Variants in C9orf57 observed in about 807,000 individuals in gnomAD.
C9orf57 encodes the protein chromosome 9 open reading frame 57, also known as uncharacterized protein C9orf57.
In C9orf57, 12 loss-of-function variants were observed where a neutral mutation model predicts 12.9. The observed-to-expected ratio is 0.93, with a 90% CI of 0.60 to 1.51. C9orf57 has a LOEUF of 1.51. Ranked by LOEUF, C9orf57 falls within the 40% of genes most tolerant of loss-of-function variation. The probability of loss-of-function intolerance (pLI) is 0.00; values close to 1 mark genes in which losing one functional copy is unlikely to be tolerated. For missense variants in C9orf57, 141 were observed against 162.8 expected (o/e 0.87, Z 0.73); for synonymous variants, 49 against 57.1 (o/e 0.86, Z 0.64).
Position 72,059,345 on chromosome 9 carries a change from C to A in C9orf57, c.-14G>T. On this transcript the variant is annotated 5_prime_UTR_variant, in exon 2 of 5. Coordinates refer to ENST00000651200, the MANE Select transcript of C9orf57 (RefSeq NM_001128618.2). ...AATCCTTCTCATTCTGATTTCCAAGCCGAAAAGGAGATGAAAGGAAAGACA... is the reference window on the plus strand; with the variant it reads ...AATCCTTCTCATTCTGATTTCCAAGACGAAAAGGAGATGAAAGGAAAGACA... 2 of 1,551,562 alleles carry A rather than the reference C, an allele frequency of 1.3e-6. No homozygotes were observed. Among genetic ancestry groups the A allele is most frequent in the Non-Finnish European group, 1.7e-6 (2 of 1,147,026 alleles).
Position 72,059,348 on chromosome 9 carries a change from A to C in C9orf57, c.-17T>G. On this transcript the variant is annotated 5_prime_UTR_variant, in exon 2 of 5. Transcript: ENST00000651200. Reference sequence around the variant, plus strand: ...CCTTCTCATTCTGATTTCCAAGCCGAAAAGGAGATGAAAGGAAAGACACGT... The same window carrying C: ...CCTTCTCATTCTGATTTCCAAGCCGCAAAGGAGATGAAAGGAAAGACACGT... 2 of 1,551,722 alleles carry C rather than the reference A, an allele frequency of 1.3e-6. No homozygotes were observed. The highest frequency in any genetic ancestry group is 1.7e-6 in the Non-Finnish European group (2 of 1,147,032).
intron 1 of C9orf57, among the ~76,000 whole-genome samples, chr9:72,059,920 A>G (rs749013664): frequency 2.0e-5 from 3 of 152,182 alleles, no homozygotes; most frequent in Non-Finnish European, 4.4e-5. Flanking sequence ...TCAGAATTAT[A>G]ATGGTTTCAT....
At chr9:72,058,786 AG>A (rs1473090689) in intron 2 of C9orf57, among the ~76,000 whole-genome samples, 1 of 152,208 alleles carries the variant, frequency 6.6e-6, no homozygotes, top group Non-Finnish European at 1.5e-5. Flanking sequence ...GATTTTCCCC[AG>A]GCTCAACCTC....
rs1282818272 is a variant in C9orf57, at chr9:72,052,446, G to A, written c.281-11C>T. The A allele has an allele frequency of 2.6e-6, 4 of 1,550,288 alleles. No individual in the cohort carries two copies. The highest frequency in any genetic ancestry group is 3.5e-6 in the Non-Finnish European group (4 of 1,146,208). On this transcript the variant is annotated splice_polypyrimidine_tract_variant and intron_variant, in intron 4 of 4. Transcript: ENST00000651200. ...ACCATTGAATGCCACCTGACGGAGA[G>A]AAAAGAGGTAAGGAAATTTCTTGGG...
At chr9:72,058,706 T>C (rs996929077) in intron 2 of C9orf57, among the ~76,000 whole-genome samples, 1 of 152,168 alleles carries the variant, frequency 6.6e-6, no homozygotes, top group Non-Finnish European at 1.5e-5. Context: ...CTCTGCCATA[T>C]TGGGAGATAG....
Position 72,056,123 on chromosome 9 carries a change from G to T in C9orf57, c.231C>A (p.Thr77=). The change falls in exon 4 of 5, where the codon ACC becomes ACA. Residue 77 remains threonine, a synonymous_variant. Coordinates refer to ENST00000651200, the MANE Select transcript of C9orf57 (RefSeq NM_001128618.2). ...AGTACTGACCAGGTTCTGCCTGGCA[G>T]GTTCCCAGGTCTAAAAGACATCCAT... ...PFHGCLLDLG[T]CQAEPGQYCK... is the part of the protein sequence containing the mutation. 2.6e-6 allele frequency: 4 copies of T among 1,551,046 alleles called. No homozygotes were observed. The highest frequency in any genetic ancestry group is 3.5e-6 in the Non-Finnish European group (4 of 1,146,614).
At chr9:72,058,946 T>C (rs1452483531) in intron 2 of C9orf57, among the ~76,000 whole-genome samples, 3 of 152,244 alleles carry the variant, frequency 2.0e-5, no homozygotes, top group Non-Finnish European at 4.4e-5. Context: ...GGCATGATCT[T>C]GGCTCATCGC....
At chr9:72,060,041 A>AATTATT (rs148166325) in intron 1 of C9orf57, among the ~76,000 whole-genome samples, 1 of 151,636 alleles carries the variant, frequency 6.6e-6, no homozygotes, top group Non-Finnish European at 1.5e-5. Context: ...CTCCTTTATG[A>AATTATT]ATTATTATTA....
rs915740429 is a variant in C9orf57, at chr9:72,052,344, A to C, written c.372T>G (p.His124Gln). The change falls in exon 5 of 5, where the codon CAT becomes CAG. Residue 124 changes from histidine (H) to glutamine (Q), a missense_variant. Coordinates refer to ENST00000651200, the MANE Select transcript of C9orf57 (RefSeq NM_001128618.2). ...TGCAGCAGTGAGTAGTTACAAGTTC[A>C]TGCAGTTGCAGAATTCTCTTGACGA... Reference protein sequence around the residue: ...STLVKRILQLHELVTTHCCNH... With the variant: ...STLVKRILQLQELVTTHCCNH... 3.9e-6 allele frequency: 6 copies of C among 1,551,768 alleles called. No individual in the cohort carries two copies. The Admixed American group carries it at 1.2e-4, about 30-fold the overall frequency.
intron 1 of C9orf57, 49 bp from the exon 2 acceptor site, chr9:72,059,433 G>A (rs1824282213): frequency 6.5e-7 from 1 of 1,530,526 alleles, no homozygotes; most frequent in Non-Finnish European, 8.8e-7. Flanking sequence ...TTTAAAAACG[G>A]AAAGGACTGG....
At position 72,052,129 on chromosome 9, in the gene C9orf57, T is replaced by C. The variant is rs759518330; in HGVS notation, c.*167A>G. The C allele has an allele frequency of 1.9e-5, 12 of 643,542 alleles. No individual in the cohort carries two copies. Among genetic ancestry groups the C allele is most frequent in the Non-Finnish European group, 3.1e-5 (12 of 388,462 alleles). 39.9% of individuals were successfully genotyped at this position (643,542 alleles called of 1,614,324 possible). A position where few individuals can be genotyped will look rare whatever the true frequency, so the allele number is the denominator to read the frequency against. On this transcript the variant is annotated 3_prime_UTR_variant, in exon 5 of 5. Transcript: ENST00000651200. ...TGAGTTGGAGGTGGTGGGGGAGATA[T>C]TGGGAATATTGAAAACCAAAGTCAA...
rs1334672937 is a variant in C9orf57, at chr9:72,056,197, C to G, written c.158-1G>C. ...GCTCTGCAAATCAAACCTCCAACAT[C>G]TCCAAGTACAGGGGCAGAAAAATGA... On this transcript the variant is annotated splice_acceptor_variant, in intron 3 of 4. Transcript: ENST00000651200. LOFTEE classifies it high-confidence loss of function. 6.5e-7 allele frequency: 1 copy of G among 1,547,474 alleles called. No homozygotes were observed. The highest frequency in any genetic ancestry group is 2.0e-5 in the Admixed American group (1 of 50,842).
rs763940043 is a variant in C9orf57 at position 72,059,401 on chromosome 9, G to A, written c.-53-17C>T. 1 of 1,551,018 alleles carries A rather than the reference G, an allele frequency of 6.4e-7. No homozygotes were observed. The highest frequency in any genetic ancestry group is 8.7e-7 in the Non-Finnish European group (1 of 1,146,696). ...CACTGATTTCTGGGGAAGCAATAAAGTTACACATTTATGTTAGCTATTTTA... is the reference window on the plus strand; with the variant it reads ...CACTGATTTCTGGGGAAGCAATAAAATTACACATTTATGTTAGCTATTTTA... On this transcript the variant is annotated splice_polypyrimidine_tract_variant and intron_variant, in intron 1 of 4. Transcript: ENST00000651200.
chr9:72,056,364 T>A (rs924605745), intron 3 of C9orf57, among the ~76,000 whole-genome samples, 168 bp from the exon 4 acceptor site: 1 of 148,992 alleles, frequency 6.7e-6, no homozygotes, highest in African/African-American at 2.4e-5. Context: ...ATATTTTATT[T>A]TTTTTTATGT....
intron 3 of C9orf57, 135 bp from the exon 4 acceptor site, chr9:72,056,331 T>A (rs907624288): frequency 5.7e-6 from 2 of 352,170 alleles, no homozygotes; most frequent in Non-Finnish European, 8.8e-6. Flanking sequence ...ATATATATTT[T>A]ATGTTATATA....
intron 4 of C9orf57, among the ~76,000 whole-genome samples, chr9:72,054,148 G>A (rs1480403660): frequency 6.6e-6 from 1 of 152,126 alleles, no homozygotes; most frequent in African/African-American, 2.4e-5. Context: ...ACAGGCATGC[G>A]CCACCACACC....
chr9:72,053,519 C>T (rs1824123356), intron 4 of C9orf57, among the ~76,000 whole-genome samples: 1 of 152,150 alleles, frequency 6.6e-6, no homozygotes, highest in Non-Finnish European at 1.5e-5. Flanking sequence ...GGCTAGATGA[C>T]TCTCTGGCCA....
At chr9:72,057,706 A>G (rs942494938) in intron 2 of C9orf57, among the ~76,000 whole-genome samples, 2 of 152,220 alleles carry the variant, frequency 1.3e-5, no homozygotes, top group African/African-American at 2.4e-5. Context: ...AATTTATTTT[A>G]CCAGAAAATT....
chr9:72,060,393 G>T, intron 1 of C9orf57, 104 bp downstream of exon 1: 2 of 682,862 alleles, frequency 2.9e-6, no homozygotes, highest in Admixed American at 2.4e-5. Context: ...ATTTATGAGG[G>T]AAAAGCATTA....
Sources: allele counts gnomAD v4.1 joint callset (sites outside exome capture counted in the v4.1 genomes callset), GRCh38; gene constraint gnomAD v4.1.1; transcripts MANE v1.5; gene names NCBI Gene and HGNC (gene_info 2026-07-23, HGNC 2026-07-21).